Variants in NHERF1 observed in about 807,000 individuals in gnomAD.
The protein encoded by NHERF1 is NHERF family PDZ scaffold protein 1, also known as Na(+)/H(+) exchange regulatory cofactor NHE-RF1.
the NHERF1 span, among the ~76,000 whole-genome samples, chr17:74,762,584 T>C: frequency 6.6e-6 from 1 of 151,534 alleles, no homozygotes; most frequent in African/African-American, 2.4e-5. This position sits in a 1 kb window ranked among gnomAD's most constrained non-coding sequence, Gnocchi z 4.2. Flanking sequence ...AAATGGAGTC[T>C]CGCTTTGTTG....
the NHERF1 span, chr17:74,748,811 AC>A: frequency 1.9e-6 from 3 of 1,555,758 alleles, no homozygotes; most frequent in Non-Finnish European, 1.7e-6. This position sits in a 1 kb window ranked among gnomAD's most constrained non-coding sequence, Gnocchi z 4.3. Context: ...CCCCATCGGA[AC>A]CCCAAGTCGC....
At chr17:74,748,731 C>A in the NHERF1 span, 1 of 926,674 alleles carries the variant, frequency 1.1e-6, no homozygotes, top group Non-Finnish European at 1.6e-6. The surrounding 1 kb of genome is among the most constrained non-coding windows in gnomAD (Gnocchi z 4.3). Context: ...GCCCGTCCGG[C>A]GGCTCAGGGC....
the NHERF1 span, chr17:74,762,215 C>T: frequency 1.2e-6 from 2 of 1,608,292 alleles, no homozygotes; most frequent in African/African-American, 2.7e-5. This position sits in a 1 kb window ranked among gnomAD's most constrained non-coding sequence, Gnocchi z 4.2. Flanking sequence ...GCCCCCACCC[C>T]CTGCAGATCA....
chr17:74,763,027 CAG>C, the NHERF1 span: 1 of 247,184 alleles, frequency 4.0e-6, no homozygotes, highest in Non-Finnish European at 7.9e-6. Flanking sequence ...AACCAAGGCC[CAG>C]AGAAGGAAGT....
At chr17:74,748,799 G>GTCCCC in the NHERF1 span, 1 of 1,502,946 alleles carries the variant, frequency 6.7e-7, no homozygotes, top group African/African-American at 1.4e-5. The surrounding 1 kb of genome is among the most constrained non-coding windows in gnomAD (Gnocchi z 4.3). Context: ...GTCCCGTCCC[G>GTCCCC]TCCCCATCGG....
the NHERF1 span, among the ~76,000 whole-genome samples, chr17:74,757,918 T>G: frequency 6.6e-6 from 1 of 152,176 alleles, no homozygotes; most frequent in Non-Finnish European, 1.5e-5. Flanking sequence ...GTTACCTCTG[T>G]TGTTCCCCTG....
chr17:74,767,258 G>C, the NHERF1 span, among the ~76,000 whole-genome samples: 1 of 152,214 alleles, frequency 6.6e-6, no homozygotes. Context: ...TACAGAAGGG[G>C]CCATTCTTCC....
At chr17:74,755,299 T>A in the NHERF1 span, among the ~76,000 whole-genome samples, 1 of 152,138 alleles carries the variant, frequency 6.6e-6, no homozygotes, top group African/African-American at 2.4e-5. Flanking sequence ...CAGGCTCCTG[T>A]CCCCATCCCT....
chr17:74,752,649 A>T, the NHERF1 span, among the ~76,000 whole-genome samples: 1 of 152,040 alleles, frequency 6.6e-6, no homozygotes, highest in African/African-American at 2.4e-5. Flanking sequence ...ATGCACCACT[A>T]TTCCCAGCTA....
At chr17:74,752,314 A>G in the NHERF1 span, among the ~76,000 whole-genome samples, 2 of 150,906 alleles carry the variant, frequency 1.3e-5, no homozygotes, top group African/African-American at 4.9e-5. Context: ...ATGCTGTTCC[A>G]TGGCCCTTCT....
At chr17:74,764,086 A>G in the NHERF1 span, among the ~76,000 whole-genome samples, 3 of 152,058 alleles carry the variant, frequency 2.0e-5, no homozygotes, top group East Asian at 5.8e-4. The surrounding 1 kb of genome is among the most constrained non-coding windows in gnomAD (Gnocchi z 4.9). Context: ...CCCCCTGCCC[A>G]GGCCCGAGCC....
the NHERF1 span, chr17:74,769,076 C>T: frequency 0.5 from 99,280 of 197,548 alleles, 25,323 homozygotes; most frequent in Admixed American, 0.53. Flanking sequence ...GCATCTGTTA[C>T]CCTGAGACCT....
the NHERF1 span, among the ~76,000 whole-genome samples, chr17:74,754,992 T>C: frequency 6.6e-6 from 1 of 152,122 alleles, no homozygotes; most frequent in Non-Finnish European, 1.5e-5. Context: ...TCAGTTAAGG[T>C]GGCCATGGCG....
the NHERF1 span, among the ~76,000 whole-genome samples, chr17:74,753,888 C>T: frequency 2.0e-5 from 3 of 151,576 alleles, no homozygotes; most frequent in Non-Finnish European, 2.9e-5. Flanking sequence ...CGGTGGCTCA[C>T]GCCTGTAATC....
the NHERF1 span, chr17:74,748,710 C>A: frequency 4.0e-6 from 3 of 751,150 alleles, no homozygotes; most frequent in South Asian, 1.9e-5. This position sits in a 1 kb window ranked among gnomAD's most constrained non-coding sequence, Gnocchi z 4.3. Context: ...CCTGGGACAC[C>A]TGCTTGCTTG....
At chr17:74,768,049 T>C in the NHERF1 span, 13 of 867,110 alleles carry the variant, frequency 1.5e-5, no homozygotes, top group South Asian at 1.7e-4. Context: ...TGCTACCTCT[T>C]CTCAGTCTGA....
the NHERF1 span, among the ~76,000 whole-genome samples, chr17:74,750,183 A>C: frequency 6.6e-6 from 1 of 152,220 alleles, no homozygotes; most frequent in Non-Finnish European, 1.5e-5. Flanking sequence ...CACAGCCAGC[A>C]GGCCGGTTGC....
the NHERF1 span, among the ~76,000 whole-genome samples, chr17:74,755,956 G>GTT: frequency 9.9e-5 from 14 of 141,612 alleles, no homozygotes; most frequent in Non-Finnish European, 1.9e-4. Flanking sequence ...TATTTTTCCT[G>GTT]TTTTTTTTTT....
chr17:74,767,989 C>T, the NHERF1 span: 2 of 747,808 alleles, frequency 2.7e-6, no homozygotes, highest in African/African-American at 1.7e-5. Flanking sequence ...AAAAAGGAGC[C>T]CCAGCAGGCT....
Sources: allele counts gnomAD v4.1 joint callset (sites outside exome capture counted in the v4.1 genomes callset), GRCh38; gene constraint gnomAD v4.1.1; non-coding constraint Gnocchi (gnomAD v3.1); transcripts MANE v1.5; gene names NCBI Gene and HGNC (gene_info 2026-07-23, HGNC 2026-07-21).